The following CELF2 variants were observed in gnomAD, a reference collection of about 807,000 sequenced individuals.
CELF2 encodes CUGBP Elav-like family member 2.
In CELF2, 8 loss-of-function variants were observed where a neutral mutation model predicts 62.6. That is an observed-to-expected ratio of 0.13 (90% CI 0.07 to 0.23). The LOEUF is 0.23. Ranked by LOEUF, CELF2 falls within the 10% of genes least tolerant of loss-of-function variation. The probability of loss-of-function intolerance (pLI) is 1.00; values close to 1 mark genes in which losing one functional copy is unlikely to be tolerated. For synonymous variants in CELF2, 258 were observed against 250.0 expected, an observed-to-expected ratio of 1.03 and a Z score of -0.30; for missense variants, 333 against 671.0, an observed-to-expected ratio of 0.50 and a Z score of 5.56.
chr10:10,936,613 G>A lies in CELF2; in HGVS notation c.89+16614G>A, dbSNP rs2046419427. 6.6e-6 allele frequency: 1 copy of A among 152,198 alleles called. No homozygotes were observed. Among genetic ancestry groups the A allele is most frequent in the African/African-American group, 2.4e-5 (1 of 41,434 alleles). The allele number at this position is 152,198 out of a possible 1,614,324, so 9.4% of individuals were successfully genotyped here. On this transcript the variant is annotated intron_variant, in intron 2 of 13. Transcript: ENST00000636488. The surrounding 1 kb of genome is among the most constrained non-coding windows in gnomAD (Gnocchi z 4.0). ...CAGGAACCCTTTTAACTGCTTTCTGGTTGTCTGTACCTTTTCTCGCCACTA... is the reference window on the plus strand; with the variant it reads ...CAGGAACCCTTTTAACTGCTTTCTGATTGTCTGTACCTTTTCTCGCCACTA...
the CELF2 span, among the ~76,000 whole-genome samples, chr10:10,586,362 G>A: frequency 6.6e-6 from 1 of 152,136 alleles, no homozygotes; most frequent in Non-Finnish European, 1.5e-5. Flanking sequence ...CAGGCCAAAT[G>A]AAACTTACAT....
the CELF2 span, among the ~76,000 whole-genome samples, chr10:10,764,743 T>A: frequency 6.6e-6 from 1 of 152,210 alleles, no homozygotes; most frequent in East Asian, 1.9e-4. Context: ...GAAGCCAATA[T>A]TTGACAACTG....
chr10:10,757,117 G>A, the CELF2 span, among the ~76,000 whole-genome samples: 1 of 151,758 alleles, frequency 6.6e-6, no homozygotes, highest in South Asian at 2.1e-4. Flanking sequence ...ATTCCAGCCT[G>A]GGCAACAGAG....
chr10:10,810,081 G>C (rs985916383), intron 1 of CELF2, among the ~76,000 whole-genome samples: 1 of 152,128 alleles, frequency 6.6e-6, no homozygotes, highest in Non-Finnish European at 1.5e-5. Flanking sequence ...TCTTTTAAAG[G>C]ATTTTGTAAA....
At chr10:10,835,085 A>G (rs1365010722) in intron 1 of CELF2, among the ~76,000 whole-genome samples, 1 of 152,122 alleles carries the variant, frequency 6.6e-6, no homozygotes, top group East Asian at 1.9e-4. Flanking sequence ...TGACTGGAGC[A>G]TTAGCCTCCT....
intron 1 of CELF2, among the ~76,000 whole-genome samples, chr10:11,154,117 T>C (rs1451203483): frequency 6.6e-6 from 1 of 152,262 alleles, no homozygotes; most frequent in East Asian, 1.9e-4. Context: ...TGGGGAGTTT[T>C]GATGTAATGA....
At chr10:11,239,272 A>G (rs2072833821) in intron 3 of CELF2, among the ~76,000 whole-genome samples, 1 of 152,172 alleles carries the variant, frequency 6.6e-6, no homozygotes, top group South Asian at 2.1e-4. Context: ...AAATGTAAAT[A>G]GGTGGTATCT....
chr10:10,591,882 G>T, the CELF2 span, among the ~76,000 whole-genome samples: 8 of 152,094 alleles, frequency 5.3e-5, no homozygotes, highest in African/African-American at 1.9e-4. Flanking sequence ...GTGTGTGTTT[G>T]CTACCTGGGA....
At chr10:11,251,046 C>A (rs747484572) in intron 4 of CELF2, among the ~76,000 whole-genome samples, 2 of 152,074 alleles carry the variant, frequency 1.3e-5, no homozygotes, top group African/African-American at 4.8e-5. Context: ...CCTGTTGGTA[C>A]AAGTCATCTC....
At chr10:10,705,496 G>C in the CELF2 span, among the ~76,000 whole-genome samples, 5 of 152,134 alleles carry the variant, frequency 3.3e-5, no homozygotes, top group Non-Finnish European at 2.9e-5. Context: ...CAGGGAGAGA[G>C]AGGGAGTGGT....
rs200878151 is a variant in CELF2 at position 11,269,511 on chromosome 10, GGAGA to G, written c.619-1145_619-1142del. The stretch of plus-strand genomic sequence containing the variant: ...AAATAGGAATATAACATTTCTGAGA[GGAGA>G]GAGAGAGAGGTCTATTATCATGCTG... On this transcript the variant is annotated intron_variant, in intron 6 of 12. Transcript: ENST00000633077. The surrounding 1 kb of genome is among the most constrained non-coding windows in gnomAD (Gnocchi z 4.4). Among the ~76,000 whole-genome samples, 3 of 151,978 alleles carry G rather than the reference GGAGA, an allele frequency of 2.0e-5. No homozygotes were observed. Among genetic ancestry groups the G allele is most frequent in the African/African-American group, 7.2e-5 (3 of 41,380 alleles).
chr10:11,106,207 TTTTATTTATTTATTTATTTA>T (rs10624331), intron 1 of CELF2, among the ~76,000 whole-genome samples: 3 of 140,440 alleles, frequency 2.1e-5, no homozygotes, highest in Non-Finnish European at 4.6e-5. Context: ...TTTTACTTTA[TTTTATTTATTTATTTATTTA>T]TTTATTTATT....
At chr10:11,060,559 G>T (rs1594331823) in intron 1 of CELF2, among the ~76,000 whole-genome samples, 1 of 152,160 alleles carries the variant, frequency 6.6e-6, no homozygotes, top group Non-Finnish European at 1.5e-5. Flanking sequence ...ATCAGCCTTT[G>T]ATGTGCTTGG....
chr10:10,584,911 A>G, the CELF2 span, among the ~76,000 whole-genome samples: 1 of 152,180 alleles, frequency 6.6e-6, no homozygotes, highest in East Asian at 1.9e-4. Flanking sequence ...ACGATGTTGA[A>G]CCAGGGCAGT....
intron 1 of CELF2, among the ~76,000 whole-genome samples, chr10:11,024,551 A>AG: frequency 6.6e-6 from 1 of 152,290 alleles, no homozygotes; most frequent in African/African-American, 2.4e-5. Context: ...CAGTGAGCTG[A>AG]GATGGCAGCA....
intron 3 of CELF2, among the ~76,000 whole-genome samples, chr10:11,225,527 G>A (rs1029284417): frequency 2.6e-5 from 4 of 152,170 alleles, no homozygotes; most frequent in Non-Finnish European, 5.9e-5. Context: ...AGTACTTCAC[G>A]TAGACAAACG....
At chr10:11,218,843 C>CT (rs879291387) in intron 3 of CELF2, among the ~76,000 whole-genome samples, 6 of 151,974 alleles carry the variant, frequency 3.9e-5, no homozygotes, top group East Asian at 1.9e-4. Context: ...TGTAAATGGA[C>CT]TTTTTTTTAA....
intron 1 of CELF2, among the ~76,000 whole-genome samples, chr10:10,866,849 G>A (rs2060408813): frequency 6.6e-6 from 1 of 150,434 alleles, no homozygotes; most frequent in Non-Finnish European, 1.5e-5. Context: ...GAACCCATGA[G>A]GCAGAGGTTG....
the CELF2 span, among the ~76,000 whole-genome samples, chr10:10,620,964 C>T: frequency 1.6e-4 from 23 of 145,006 alleles, no homozygotes; most frequent in Non-Finnish European, 2.4e-4. Flanking sequence ...TGGCTCACAC[C>T]TGTAATCCCA....
Sources: gnomAD v4.1 joint callset for allele counts (sites outside exome capture counted in the v4.1 genomes callset) on GRCh38, gnomAD v4.1.1 for gene constraint, Gnocchi (gnomAD v3.1) non-coding constraint, MANE v1.5 for transcripts, NCBI Gene and HGNC (gene_info 2026-07-23, HGNC 2026-07-21) for gene names.